Variants in PAPPA observed in about 807,000 individuals in gnomAD.
The protein encoded by PAPPA is pappalysin 1, also known as pappalysin-1.
A neutral mutation model predicts 164.0 loss-of-function variants in PAPPA; 60 were observed. The ratio of observed to expected loss-of-function variants is 0.37; its 90% confidence interval spans 0.30 to 0.45. The LOEUF is 0.45. Among genes scored for constraint, PAPPA ranks in the 20% least tolerant of loss-of-function variants. PAPPA has a pLI of 1.00. For synonymous variants in PAPPA, 875 were observed against 814.1 expected, an observed-to-expected ratio of 1.07 and a Z score of -1.27; for missense variants, 1,782 against 2,087.3, an observed-to-expected ratio of 0.85 and a Z score of 2.85.
chr9:116,331,182 G>T lies in PAPPA; in HGVS notation c.3148-62G>T, dbSNP rs184004148. ...GTGAACAGTAAAGGTTTGTAAAATTGAATTTAGTTGAACTTCTGACACTCT... is the reference window on the plus strand; with the variant it reads ...GTGAACAGTAAAGGTTTGTAAAATTTAATTTAGTTGAACTTCTGACACTCT... On this transcript the variant is annotated intron_variant, in intron 10 of 21. Coordinates refer to ENST00000328252, the MANE Select transcript of PAPPA (RefSeq NM_002581.5). 7.5e-6 allele frequency: 8 copies of T among 1,067,710 alleles called. No homozygotes were observed. The African/African-American group carries it at 1.1e-4, about 15-fold the overall frequency. The allele number at this position is 1,067,710 out of a possible 1,614,324, so 66.1% of individuals were successfully genotyped here.
intron 7 of PAPPA, among the ~76,000 whole-genome samples, chr9:116,252,975 A>T (rs780083806): frequency 2.2e-4 from 34 of 152,220 alleles, no homozygotes; most frequent in African/African-American, 8.0e-4. Flanking sequence ...CTGAGAACTT[A>T]TTCTGTGCTA....
In PAPPA at chr9:116,400,252, T is replaced by A. The variant is rs1243789301; in HGVS notation, c.*3636T>A. On this transcript the variant is annotated 3_prime_UTR_variant, in exon 22 of 22. Coordinates refer to ENST00000328252, the MANE Select transcript of PAPPA (RefSeq NM_002581.5). ...TATTTTTATGTTTCCTAAAGGAAAT[T>A]GTTTATTCTACAGCCTCAGTAGGTA... is the stretch of plus-strand genomic sequence containing the variant. The A allele has an allele frequency of 6.6e-6, 1 of 152,224 alleles. No homozygotes were observed. 9.4% of individuals were successfully genotyped at this position (152,224 alleles called of 1,614,324 possible). A position where few individuals can be genotyped will look rare whatever the true frequency, so the allele number is the denominator to read the frequency against.
At chr9:116,227,620 G>A in intron 6 of PAPPA, 68 bp downstream of exon 6, 1 of 1,531,252 alleles carries the variant, frequency 6.5e-7, no homozygotes, top group Non-Finnish European at 8.8e-7. Context: ...CAATGTATAT[G>A]GGGTTTTATT....
intron 1 of PAPPA, among the ~76,000 whole-genome samples, chr9:116,181,340 T>TTC (rs944105180): frequency 1.4e-5 from 2 of 143,058 alleles, no homozygotes; most frequent in African/African-American, 5.6e-5. Flanking sequence ...CTCTCTCTCT[T>TTC]TCTCTCTCTC....
At chr9:116,242,770 C>T (rs1482189476) in intron 7 of PAPPA, among the ~76,000 whole-genome samples, 1 of 152,178 alleles carries the variant, frequency 6.6e-6, no homozygotes, top group Non-Finnish European at 1.5e-5. Context: ...GGTGAACTAG[C>T]TTCCACCCCA....
chr9:116,265,959 G>A lies in PAPPA; in HGVS notation c.2835G>A (p.Gly945=), dbSNP rs1317667196. ...SPAVTYIHGS[G]YCGDGIIQKD... Reference sequence around the variant, plus strand: ...CTGTCACATACATCCATGGAAGTGGGTACTGTGGCGATGGCATTATACAAA... The same window carrying A: ...CTGTCACATACATCCATGGAAGTGGATACTGTGGCGATGGCATTATACAAA... The change falls in exon 8 of 22, where the codon GGG becomes GGA. Residue 945 remains glycine (G), a synonymous_variant. Coordinates refer to ENST00000328252, the MANE Select transcript of PAPPA (RefSeq NM_002581.5). 6.2e-7 allele frequency: 1 copy of A among 1,611,610 alleles called. No homozygotes were observed. The highest frequency in any genetic ancestry group is 2.2e-5 in the East Asian group (1 of 44,812).
In PAPPA at chr9:116,360,438, G is replaced by A. The variant is rs116150996; in HGVS notation, c.4348-2154G>A. On this transcript the variant is annotated intron_variant, in intron 17 of 21. Transcript: ENST00000328252. The stretch of plus-strand genomic sequence containing the variant: ...ATTGCAATTGTACCCTCCTTTTGCC[G>A]GCAAAGGAGAGGCCTGGAAAGGGGC... Among the ~76,000 whole-genome samples the A allele has an allele frequency of 5.8e-3, 890 of 152,212 alleles. 11 individuals carry two copies. The highest frequency in any genetic ancestry group is 0.02 in the African/African-American group (851 of 41,520).
chr9:116,356,860 A>C (rs180827376), intron 17 of PAPPA, among the ~76,000 whole-genome samples: 1 of 152,362 alleles, frequency 6.6e-6, no homozygotes, highest in Admixed American at 6.5e-5. Flanking sequence ...CTTAAAACCT[A>C]GATGACAGTT....
At chr9:116,172,339 T>C (rs1843784130) in intron 1 of PAPPA, among the ~76,000 whole-genome samples, 1 of 152,228 alleles carries the variant, frequency 6.6e-6, no homozygotes, top group Non-Finnish European at 1.5e-5. Flanking sequence ...CATTGTTTAC[T>C]ACTGTAACTT....
chr9:116,185,471 G>T (rs1392706331), intron 1 of PAPPA, among the ~76,000 whole-genome samples: 1 of 152,148 alleles, frequency 6.6e-6, no homozygotes, highest in Non-Finnish European at 1.5e-5. Flanking sequence ...AGCTCTCCTT[G>T]CTCATTTGAT....
chr9:116,257,664 T>A (rs1364893917), intron 7 of PAPPA, among the ~76,000 whole-genome samples: 1 of 152,018 alleles, frequency 6.6e-6, no homozygotes, highest in Non-Finnish European at 1.5e-5. Flanking sequence ...ATCGCGCCAC[T>A]GCACTCCAGC....
intron 20 of PAPPA, among the ~76,000 whole-genome samples, chr9:116,381,714 T>A (rs1432085043): frequency 6.6e-6 from 1 of 152,212 alleles, no homozygotes; most frequent in Non-Finnish European, 1.5e-5. Context: ...ACTGTGCCAA[T>A]GTGATTTTGG....
intron 13 of PAPPA, 120 bp downstream of exon 13, chr9:116,335,194 A>G: frequency 1.2e-6 from 1 of 806,532 alleles, no homozygotes; most frequent in South Asian, 1.7e-5. Context: ...TCCCTTCTCC[A>G]TCCATCCTCT....
chr9:116,240,171 T>G (rs965803812), intron 7 of PAPPA, among the ~76,000 whole-genome samples: 6 of 152,210 alleles, frequency 3.9e-5, no homozygotes, highest in Non-Finnish European at 5.9e-5. Context: ...GTCTCATTCA[T>G]CCATCACTTC....
intron 9 of PAPPA, among the ~76,000 whole-genome samples, chr9:116,298,455 T>C (rs1845537457): frequency 6.6e-6 from 1 of 152,224 alleles, no homozygotes; most frequent in Admixed American, 6.5e-5. Flanking sequence ...TGAAAGGGAA[T>C]GAATCTGAAG....
chr9:116,213,225 AT>A (rs1587954892), intron 4 of PAPPA, among the ~76,000 whole-genome samples: 1 of 152,158 alleles, frequency 6.6e-6, no homozygotes, highest in Non-Finnish European at 1.5e-5. Flanking sequence ...GTTTTGCCTC[AT>A]TGCATTTGAA....
chr9:116,268,286 C>G (rs1845095294), intron 8 of PAPPA, among the ~76,000 whole-genome samples: 1 of 152,150 alleles, frequency 6.6e-6, no homozygotes, highest in South Asian at 2.1e-4. Context: ...ATACAGTTTC[C>G]AATGCAGTAA....
In PAPPA at chr9:116,313,908, TCTC is replaced by T. The variant is rs1458879708; in HGVS notation, c.3147+10959_3147+10961del. On this transcript the variant is annotated intron_variant, in intron 10 of 21. Coordinates refer to ENST00000328252, the MANE Select transcript of PAPPA (RefSeq NM_002581.5). ...GAGATCTCGAGCAACTTAATTAGCC[TCTC>T]TGTGCCTTAGTCCTCTCATCTGTAA... Among the ~76,000 whole-genome samples, 7 of 152,196 alleles carry T rather than the reference TCTC, an allele frequency of 4.6e-5. No homozygotes were observed. In the East Asian group the frequency reaches 1.4e-3, roughly 29 times the overall value.
At chr9:116,331,122 C>T (rs780531068) in intron 10 of PAPPA, 122 bp from the exon 11 acceptor site, 11 of 632,752 alleles carry the variant, frequency 1.7e-5, no homozygotes, top group Admixed American at 2.6e-5. Context: ...GTCTTTTCAT[C>T]CCTGTTTTTT....
Sources: gnomAD v4.1 joint callset for allele counts (sites outside exome capture counted in the v4.1 genomes callset) on GRCh38, gnomAD v4.1.1 for gene constraint, MANE v1.5 for transcripts, NCBI Gene and HGNC (gene_info 2026-07-23, HGNC 2026-07-21) for gene names.